MAGI2: variants seen among roughly 807,000 people sequenced by gnomAD.
The protein encoded by MAGI2 is membrane associated guanylate kinase, WW and PDZ domain containing 2.
A neutral mutation model predicts 133.3 loss-of-function variants in MAGI2; 35 were observed. The ratio of observed to expected loss-of-function variants is 0.26; its 90% CI spans 0.20 to 0.35. The LOEUF is 0.35. MAGI2 is among the 10% of genes least tolerant of loss of function. MAGI2 has a pLI of 1.00. For missense variants in MAGI2, 1,636 were observed against 1,863.4 expected, an observed-to-expected ratio of 0.88 and a Z score of 2.25; for synonymous variants, 729 against 710.6, an observed-to-expected ratio of 1.03 and a Z score of -0.41.
chr7:78,194,751 G>T, intron 12 of MAGI2, 123 bp downstream of exon 12: 1 of 758,520 alleles, frequency 1.3e-6, no homozygotes, highest in Non-Finnish European at 1.9e-6. Context: ...AGCTGGCTCT[G>T]CTCTTGAAAC....
At chr7:78,808,455 A>G (rs1788766896) in intron 2 of MAGI2, among the ~76,000 whole-genome samples, 1 of 152,008 alleles carries the variant, frequency 6.6e-6, no homozygotes, top group East Asian at 1.9e-4. Flanking sequence ...ACGGGGTTTT[A>G]CCATGTTAGC....
intron 2 of MAGI2, among the ~76,000 whole-genome samples, chr7:78,730,741 T>C (rs2151224149): frequency 6.6e-6 from 1 of 152,232 alleles, no homozygotes; most frequent in East Asian, 1.9e-4. Flanking sequence ...TGGTCTCCGC[T>C]GGGAAACACA....
At chr7:78,771,499 T>C (rs145576970) in intron 2 of MAGI2, among the ~76,000 whole-genome samples, 1 of 152,342 alleles carries the variant, frequency 6.6e-6, no homozygotes, top group African/African-American at 2.4e-5. Context: ...GTTTTTGCTT[T>C]CATAGTCCCC....
chr7:79,419,724 C>T (rs1230825020), intron 1 of MAGI2, among the ~76,000 whole-genome samples: 1 of 151,936 alleles, frequency 6.6e-6, no homozygotes, highest in Non-Finnish European at 1.5e-5. Flanking sequence ...CATGGTATTC[C>T]TTGTTAAACA....
At chr7:78,458,639 GT>G (rs5885064) in intron 6 of MAGI2, among the ~76,000 whole-genome samples, 44,547 of 146,220 alleles carry the variant, frequency 0.3, 6,622 homozygotes, top group Admixed American at 0.37. Flanking sequence ...TTTTTGTTAG[GT>G]TTTTTTTTTT....
chr7:78,841,450 T>C (rs1792134965), intron 2 of MAGI2, among the ~76,000 whole-genome samples: 1 of 152,008 alleles, frequency 6.6e-6, no homozygotes, highest in African/African-American at 2.4e-5. Context: ...CTTGCCTCTA[T>C]TTTCCCTCAG....
chr7:78,246,570 G>T (rs1407204620), intron 10 of MAGI2, among the ~76,000 whole-genome samples: 2 of 151,988 alleles, frequency 1.3e-5, no homozygotes, highest in South Asian at 4.2e-4. Context: ...CCCTTCACTG[G>T]GGAGTAAAGT....
intron 21 of MAGI2, among the ~76,000 whole-genome samples, chr7:78,076,437 C>T (rs945886696): frequency 4.0e-5 from 5 of 124,978 alleles, no homozygotes; most frequent in African/African-American, 6.4e-5. Flanking sequence ...CCAGTCTGGG[C>T]GACAGAGACC....
intron 2 of MAGI2, among the ~76,000 whole-genome samples, chr7:78,848,375 A>G (rs894796525): frequency 6.6e-6 from 1 of 151,924 alleles, no homozygotes; most frequent in South Asian, 2.1e-4. Context: ...TTTCCATCTC[A>G]GATGTTCCTA....
chr7:79,198,295 A>C (rs951323182), intron 1 of MAGI2, among the ~76,000 whole-genome samples: 1 of 151,754 alleles, frequency 6.6e-6, no homozygotes, highest in Non-Finnish European at 1.5e-5. Context: ...AACCACAGCA[A>C]GGGCCTTGAA....
rs188541255 is a variant in MAGI2, at chr7:79,249,010, C to A, written c.301+204010G>T. 7.1e-3 allele frequency among the ~76,000 whole-genome samples: 1,080 copies of A among 152,062 alleles called. 8 individuals are homozygous for A. Among genetic ancestry groups the A allele is most frequent in the Non-Finnish European group, 9.3e-3 (635 of 67,956 alleles). Reference sequence around the variant, plus strand: ...ACCCAAGTAGCTGGGATTACAGGTGCCCGCCACCACACCAAGCTAATTTTT... The same window carrying A: ...ACCCAAGTAGCTGGGATTACAGGTGACCGCCACCACACCAAGCTAATTTTT... On this transcript the variant is annotated intron_variant, in intron 1 of 21. Coordinates refer to ENST00000354212, the MANE Select transcript of MAGI2 (RefSeq NM_012301.4).
chr7:79,290,811 G>A (rs1836420323), intron 1 of MAGI2, among the ~76,000 whole-genome samples: 1 of 151,994 alleles, frequency 6.6e-6, no homozygotes, highest in Admixed American at 6.6e-5. Flanking sequence ...GGAAAATATC[G>A]TTCTAATATG....
chr7:78,025,953 A>T (rs1808870112), intron 21 of MAGI2: 1 of 152,434 alleles, frequency 6.6e-6, no homozygotes, highest in African/African-American at 2.4e-5. Flanking sequence ...GAAGTCATTA[A>T]CCAACATGCC....
At position 79,178,063 on chromosome 7, in the gene MAGI2, G is replaced by T. The variant is rs190918636; in HGVS notation, c.302-170857C>A. On this transcript the variant is annotated intron_variant, in intron 1 of 21. Coordinates refer to ENST00000354212, the MANE Select transcript of MAGI2 (RefSeq NM_012301.4). ...CATCTATCATATCTTCAAAGTAGTGGTTATATCTTTATGAAAATAAGATCC... is the reference window on the plus strand; with the variant it reads ...CATCTATCATATCTTCAAAGTAGTGTTTATATCTTTATGAAAATAAGATCC... Among the ~76,000 whole-genome samples the T allele has an allele frequency of 1.7e-3, 261 of 152,028 alleles. 3 individuals carry two copies. Among genetic ancestry groups the T allele is most frequent in the African/African-American group, 5.8e-3 (241 of 41,388 alleles).
chr7:79,401,145 T>A (rs897772115), intron 1 of MAGI2, among the ~76,000 whole-genome samples: 104 of 152,282 alleles, frequency 6.8e-4, no homozygotes, highest in African/African-American at 2.4e-3. Flanking sequence ...AAACTTACAG[T>A]GCCATAACAA....
At chr7:78,856,520 AT>A (rs1421033298) in intron 2 of MAGI2, among the ~76,000 whole-genome samples, 2 of 152,120 alleles carry the variant, frequency 1.3e-5, no homozygotes, top group Non-Finnish European at 1.5e-5. Context: ...TCCTTTCCCC[AT>A]TGCTTGTTTT....
intron 9 of MAGI2, among the ~76,000 whole-genome samples, chr7:78,324,242 A>G (rs921446655): frequency 4.0e-5 from 6 of 150,862 alleles, no homozygotes; most frequent in Non-Finnish European, 8.9e-5. Flanking sequence ...GGGGGAAAAA[A>G]AAAACAGAAG....
intron 21 of MAGI2, among the ~76,000 whole-genome samples, chr7:78,032,885 AG>A (rs1000756417): frequency 6.6e-6 from 1 of 152,162 alleles, no homozygotes; most frequent in Non-Finnish European, 1.5e-5. Context: ...GACATGTTCA[AG>A]GAATGACAAG....
chr7:79,229,152 A>AG (rs1177368531), intron 1 of MAGI2, among the ~76,000 whole-genome samples: 3 of 151,948 alleles, frequency 2.0e-5, no homozygotes, highest in East Asian at 1.9e-4. Flanking sequence ...AAAAAAAAAA[A>AG]CAACAACATA....
Sources: allele counts gnomAD v4.1 joint callset (sites outside exome capture counted in the v4.1 genomes callset), GRCh38; gene constraint gnomAD v4.1.1; transcripts MANE v1.5; gene names NCBI Gene and HGNC (gene_info 2026-07-23, HGNC 2026-07-21).